The following CCDC61 variants were observed in gnomAD, a reference collection of about 807,000 sequenced individuals.
The protein encoded by CCDC61 is coiled-coil domain containing 61.
In CCDC61, 55 loss-of-function variants were observed where a neutral mutation model predicts 63.0. The ratio of observed to expected loss-of-function variants is 0.87; its 90% confidence interval spans 0.70 to 1.09. The LOEUF (loss-of-function observed/expected upper bound fraction) is 1.09, where lower values mean the gene tolerates loss of function less well. CCDC61 is among the 50% of genes least tolerant of loss of function. The probability of loss-of-function intolerance (pLI) is 0.00; values close to 1 mark genes in which losing one functional copy is unlikely to be tolerated. For missense variants in CCDC61, 651 were observed against 731.4 expected, an observed-to-expected ratio of 0.89 and a Z score of 1.27; for synonymous variants, 270 against 317.0, an observed-to-expected ratio of 0.85 and a Z score of 1.58.
In CCDC61 at chr19:46,018,563, A is replaced by C. The variant is rs562356731; in HGVS notation, c.*176A>C. The C allele has an allele frequency of 4.3e-5, 25 of 585,430 alleles. No homozygotes were observed. In the Middle Eastern group the frequency reaches 1.8e-3, roughly 41 times the overall value. 36.3% of individuals were successfully genotyped at this position (585,430 alleles called of 1,614,324 possible). On this transcript the variant is annotated 3_prime_UTR_variant, in exon 14 of 14. Coordinates refer to ENST00000595358, the MANE Select transcript of CCDC61 (RefSeq NM_001267723.2). The surrounding 1 kb of genome is among the most constrained non-coding windows in gnomAD (Gnocchi z 4.2). ...ACCCTGCCCTCTCCCCAGGCAGTGC[A>C]TGCTGGGAGGGAGGATGTGTGCATT... is the stretch of plus-strand genomic sequence containing the variant.
At chr19:46,017,184 TC>T in intron 11 of CCDC61, 62 bp from the exon 12 acceptor site, 1 of 1,541,270 alleles carries the variant, frequency 6.5e-7, no homozygotes, top group South Asian at 1.2e-5. Context: ...ACCACAAAGG[TC>T]GGGGAGGTGG....
Position 46,003,437 on chromosome 19 carries a change from A to G in CCDC61, c.167A>G (p.His56Arg). ...CACCCAGTCATTGAAGATTTGACTCACAAGACAGGGAACTTCAAACAGTTC... is the reference window on the plus strand; with the variant it reads ...CACCCAGTCATTGAAGATTTGACTCGCAAGACAGGGAACTTCAAACAGTTC... ...FDAGFIEDLT[H>R]KTGNFKQFNI... Residue 56 changes from histidine (H) to arginine (R), a missense_variant, in exon 3 of 14, where the codon CAC (histidine) becomes CGC (arginine). By Grantham distance (29) the His-to-Arg change is conservative. Coordinates refer to ENST00000595358, the MANE Select transcript of CCDC61 (RefSeq NM_001267723.2). The G allele has an allele frequency of 1.2e-6, 2 of 1,612,776 alleles. No homozygotes were observed. Among genetic ancestry groups the G allele is most frequent in the Non-Finnish European group, 1.7e-6 (2 of 1,179,350 alleles).
intron 3 of CCDC61, among the ~76,000 whole-genome samples, chr19:46,003,962 G>A (rs1968646366): frequency 6.6e-6 from 1 of 150,714 alleles, no homozygotes; most frequent in African/African-American, 2.4e-5. Context: ...TTTTTGAGAT[G>A]GAGTCTCGCT....
At chr19:46,005,790 C>T (rs1025986847) in intron 3 of CCDC61, among the ~76,000 whole-genome samples, 1 of 149,460 alleles carries the variant, frequency 6.7e-6, no homozygotes, top group Non-Finnish European at 1.5e-5. Flanking sequence ...GTCTGTCAGT[C>T]GTTTTTTTTT....
Position 46,011,223 on chromosome 19 carries a change from A to G in CCDC61, c.551+2922A>G, listed in dbSNP as rs566538018. ...GCCATCATGCCCAGCTAATTTTCAT[A>G]TTTTTTTATAGAGACAGGGTTTGCC... On this transcript the variant is annotated intron_variant, in intron 5 of 13. Transcript: ENST00000595358. Among the ~76,000 whole-genome samples the G allele has an allele frequency of 6.6e-5, 10 of 151,176 alleles. No homozygotes were observed. In the South Asian group the frequency reaches 2.1e-3, roughly 32 times the overall value.
In CCDC61 at chr19:46,016,604, CT is replaced by C; in HGVS notation, c.1092-89del. The stretch of plus-strand genomic sequence containing the variant: ...GTAGGCCTGTCACCTCAGGCTTTCG[CT>C]GGCGTGGCTGTGACCTTTAGGGGCG... On this transcript the variant is annotated intron_variant, in intron 9 of 13. Coordinates refer to ENST00000595358, the MANE Select transcript of CCDC61 (RefSeq NM_001267723.2). The surrounding 1 kb of genome is among the most constrained non-coding windows in gnomAD (Gnocchi z 7.2). 1 of 1,552,558 alleles carries C rather than the reference CT, an allele frequency of 6.4e-7. No homozygotes were observed. Among genetic ancestry groups the C allele is most frequent in the Admixed American group, 2.0e-5 (1 of 51,254 alleles).
At position 46,006,676 on chromosome 19, in the gene CCDC61, A is replaced by T. The variant is rs978977819; in HGVS notation, c.349A>T (p.Lys117Ter). Residue 117 changes from lysine (K) to a stop codon, truncating the protein, a stop_gained, in exon 4 of 14, where the codon AAG (lysine) becomes TAG (stop). Coordinates refer to ENST00000595358, the MANE Select transcript of CCDC61 (RefSeq NM_001267723.2). LOFTEE classifies it high-confidence loss of function. ...LAPRSAQLNS[K>*]RYLILIYSVE... ...CCCCAGGTCGGCCCAGCTCAACTCC[A>T]AGCGCTACCTGATCCTCATCTACTC... 1 of 1,613,602 alleles carries T rather than the reference A, an allele frequency of 6.2e-7. No homozygotes were observed. Among genetic ancestry groups the T allele is most frequent in the African/African-American group, 1.3e-5 (1 of 75,052 alleles).
chr19:46,003,602 T>A, intron 3 of CCDC61, 101 bp downstream of exon 3: 1 of 717,298 alleles, frequency 1.4e-6, no homozygotes, highest in Non-Finnish European at 2.3e-6. Flanking sequence ...CTCTACCTTC[T>A]CTTTCATTGT....
chr19:46,012,740 G>A (rs1397687337), intron 5 of CCDC61, among the ~76,000 whole-genome samples: 2 of 151,970 alleles, frequency 1.3e-5, no homozygotes. Flanking sequence ...CCCCAACCAT[G>A]CTCCCAAATG....
intron 1 of CCDC61, among the ~76,000 whole-genome samples, chr19:46,001,460 A>G (rs1387608979): frequency 2.0e-5 from 3 of 152,142 alleles, no homozygotes; most frequent in Non-Finnish European, 4.4e-5. Flanking sequence ...CTGACCTCAA[A>G]TGATCCACCC....
At chr19:46,008,873 G>A (rs558497265) in intron 5 of CCDC61, among the ~76,000 whole-genome samples, 5 of 152,270 alleles carry the variant, frequency 3.3e-5, no homozygotes, top group East Asian at 1.9e-4. Context: ...TGCCTGGTAC[G>A]GGAGGGGTGT....
intron 4 of CCDC61, 141 bp from the exon 5 acceptor site, chr19:46,007,999 A>G (rs932648705): frequency 3.3e-5 from 27 of 827,734 alleles, no homozygotes; most frequent in Non-Finnish European, 4.5e-5. Flanking sequence ...AGGGGCCTTG[A>G]GGATGTGCTC....
At position 46,015,342 on chromosome 19, in the gene CCDC61, C is replaced by G. The variant is rs1056909233; in HGVS notation, c.763-3C>G. 6.3e-7 allele frequency: 1 copy of G among 1,599,718 alleles called. No homozygotes were observed. Among genetic ancestry groups the G allele is most frequent in the African/African-American group, 1.3e-5 (1 of 74,740 alleles). Reference sequence around the variant, plus strand: ...CCTCCGCGCCCCTCTCCCCTCCCGGCAGCTCGAGGAGGCGAAGGCATCGGA... The same window carrying G: ...CCTCCGCGCCCCTCTCCCCTCCCGGGAGCTCGAGGAGGCGAAGGCATCGGA... On this transcript the variant is annotated splice_polypyrimidine_tract_variant and splice_region_variant and intron_variant, in intron 6 of 13. Coordinates refer to ENST00000595358, the MANE Select transcript of CCDC61 (RefSeq NM_001267723.2). This position sits in a 1 kb window ranked among gnomAD's most constrained non-coding sequence, Gnocchi z 5.3.
chr19:46,013,412 C>T (rs1968865672), intron 5 of CCDC61, among the ~76,000 whole-genome samples: 1 of 152,068 alleles, frequency 6.6e-6, no homozygotes, highest in Non-Finnish European at 1.5e-5. Flanking sequence ...CCGCCTTGGC[C>T]TCCCAAAGTG....
At chr19:46,014,711 A>C (rs1968889771) in intron 5 of CCDC61, among the ~76,000 whole-genome samples, 1 of 152,196 alleles carries the variant, frequency 6.6e-6, no homozygotes, top group South Asian at 2.1e-4. Flanking sequence ...CTAGGCTTTC[A>C]GGGTGTGTAC....
At chr19:46,013,334 T>A (rs181611706) in intron 5 of CCDC61, among the ~76,000 whole-genome samples, 129 of 152,092 alleles carry the variant, frequency 8.5e-4, no homozygotes, top group African/African-American at 2.9e-3. Flanking sequence ...GCAAGCTAAT[T>A]TTTGTAGAGA....
intron 4 of CCDC61, among the ~76,000 whole-genome samples, chr19:46,006,994 C>G (rs1968723961): frequency 6.6e-6 from 1 of 151,946 alleles, no homozygotes; most frequent in African/African-American, 2.4e-5. Flanking sequence ...AACAGTTCCA[C>G]TAGGGACTCA....
rs1035365424 is a variant in CCDC61 at position 46,015,158 on chromosome 19, G to C, written c.661G>C (p.Gly221Arg). The part of the protein sequence containing the change: ...AARQEAEALR[G>R]LVRGLELELR... ...ACGCCAGGAGGCCGAGGCGCTGCGC[G>C]GGCTGGTGCGCGGGCTGGAGCTGGA... Residue 221 changes from glycine (G) to arginine (R), a missense_variant, in exon 6 of 14, where the codon GGG becomes CGG. Physicochemically the swap from Gly to Arg is moderately radical, Grantham distance 125 (BLOSUM62 -2). Transcript: ENST00000595358. This position sits in a 1 kb window ranked among gnomAD's most constrained non-coding sequence, Gnocchi z 5.3. 8 of 1,265,302 alleles carry C rather than the reference G, an allele frequency of 6.3e-6. No individual in the cohort carries two copies. The highest frequency in any genetic ancestry group is 7.9e-6 in the Non-Finnish European group (8 of 1,009,906). 78.4% of individuals were successfully genotyped at this position (1,265,302 alleles called of 1,614,324 possible).
Position 46,016,173 on chromosome 19 carries a change from G to GC in CCDC61, c.966dup (p.Gly323ArgfsTer80). 7.7e-7 allele frequency: 1 copy of GC among 1,303,030 alleles called. No individual in the cohort carries two copies. Among genetic ancestry groups the GC allele is most frequent in the Non-Finnish European group, 9.7e-7 (1 of 1,027,728 alleles). The allele number at this position is 1,303,030 out of a possible 1,614,324, so 80.7% of individuals were successfully genotyped here. ...CGCTCCTCATCCCGGGAGAGCGGCC[G>GC]CGGGAGCCGGGGTCGGGGCCGCCCT... On this transcript the variant is annotated frameshift_variant, in exon 8 of 14. Transcript: ENST00000595358. LOFTEE classifies it high-confidence loss of function. This position sits in a 1 kb window ranked among gnomAD's most constrained non-coding sequence, Gnocchi z 7.2.
Sources: allele counts gnomAD v4.1 joint callset (sites outside exome capture counted in the v4.1 genomes callset), GRCh38; gene constraint gnomAD v4.1.1; non-coding constraint Gnocchi (gnomAD v3.1); transcripts MANE v1.5; gene names NCBI Gene and HGNC (gene_info 2026-07-23, HGNC 2026-07-21).